Variants in TBC1D22A observed in about 807,000 individuals in gnomAD.
The protein encoded by TBC1D22A is putative GTPase activator.
TBC1D22A carries 38 observed loss-of-function variants against 60.2 expected under a neutral mutation model. The ratio of observed to expected loss-of-function variants is 0.63; its 90% CI spans 0.49 to 0.83. TBC1D22A has a LOEUF of 0.83. Among genes scored for constraint, TBC1D22A ranks in the 40% least tolerant of loss-of-function variants. The probability of loss-of-function intolerance (pLI) is 0.00; values close to 1 mark genes in which losing one functional copy is unlikely to be tolerated. For missense variants in TBC1D22A, 628 were observed against 701.0 expected (o/e 0.90, Z 1.18); for synonymous variants, 302 against 281.7 (o/e 1.07, Z -0.72).
At chr22:46,793,030 C>T (rs1177629581) in intron 2 of TBC1D22A, among the ~76,000 whole-genome samples, 1 of 152,278 alleles carries the variant, frequency 6.6e-6, no homozygotes, top group East Asian at 1.9e-4. Flanking sequence ...ACCTGTCTGA[C>T]AAGTTTCTCA....
At chr22:47,170,062 C>T (rs559234275) in intron 12 of TBC1D22A, among the ~76,000 whole-genome samples, 5 of 152,284 alleles carry the variant, frequency 3.3e-5, no homozygotes, top group East Asian at 1.9e-4. Flanking sequence ...CAGGAGACGA[C>T]GTGGCCTAGT....
At chr22:47,115,345 C>T (rs1163340376) in intron 12 of TBC1D22A, among the ~76,000 whole-genome samples, 1 of 151,722 alleles carries the variant, frequency 6.6e-6, no homozygotes, top group African/African-American at 2.4e-5. Context: ...TTCCTAATGC[C>T]CCCCACCACC....
At chr22:46,980,068 G>A (rs760690595) in intron 9 of TBC1D22A, among the ~76,000 whole-genome samples, 2 of 152,102 alleles carry the variant, frequency 1.3e-5, no homozygotes, top group Admixed American at 6.5e-5. Context: ...TGTACCCAGA[G>A]ACCTGAGACA....
At chr22:46,789,518 C>T (rs801605) in intron 1 of TBC1D22A, 33,293 of 225,704 alleles carry the variant, frequency 0.15, 3,859 homozygotes, top group African/African-American at 0.36. Context: ...GTTGTGCTTA[C>T]CTTTGCCTCC....
rs1229000857 is a variant in TBC1D22A at position 47,172,010 on chromosome 22, T to TGCCTACCCAGCACTCCCAGTGA, written c.1426-1419_1426-1398dup. Among the ~76,000 whole-genome samples, 370 of 99,256 alleles carry TGCCTACCCAGCACTCCCAGTGA rather than the reference T, an allele frequency of 3.7e-3. 5 individuals are homozygous for TGCCTACCCAGCACTCCCAGTGA. Among genetic ancestry groups the TGCCTACCCAGCACTCCCAGTGA allele is most frequent in the African/African-American group, 0.014 (312 of 21,778 alleles). 65.1% of individuals were successfully genotyped at this position (99,256 alleles called of 152,430 possible). On this transcript the variant is annotated intron_variant, in intron 12 of 12. Transcript: ENST00000337137. Reference sequence around the variant, plus strand: ...CCCAGTGCGCCCGGTGAGCCCAGTGTGCCTACCCAGCACTCCCAGTGAGCC... The same window carrying TGCCTACCCAGCACTCCCAGTGA: ...CCCAGTGCGCCCGGTGAGCCCAGTGTGCCTACCCAGCACTCCCAGTGAGCCTACCCAGCACTCCCAGTGAGCC...
intron 11 of TBC1D22A, among the ~76,000 whole-genome samples, chr22:47,082,506 C>T (rs2064511316): frequency 6.6e-6 from 1 of 152,138 alleles, no homozygotes; most frequent in Admixed American, 6.5e-5. Context: ...TACCCATATC[C>T]AGGATATATA....
intron 11 of TBC1D22A, among the ~76,000 whole-genome samples, chr22:47,103,296 T>A (rs1394332709): frequency 6.6e-6 from 1 of 152,104 alleles, no homozygotes; most frequent in Non-Finnish European, 1.5e-5. Context: ...GTGTGGCATG[T>A]GCCGCGGAGA....
intron 1 of TBC1D22A, chr22:46,763,118 A>C: frequency 2.4e-6 from 1 of 420,022 alleles, no homozygotes; most frequent in Non-Finnish European, 4.2e-6. Context: ...TTTCCGAGAA[A>C]CTCCTGGGCT....
intron 7 of TBC1D22A, among the ~76,000 whole-genome samples, chr22:46,903,013 GGGT>G (rs2069118884): frequency 6.6e-6 from 1 of 152,256 alleles, no homozygotes; most frequent in South Asian, 2.1e-4. Context: ...CCACTCTGGA[GGGT>G]CATGCCCAAT....
intron 10 of TBC1D22A, among the ~76,000 whole-genome samples, chr22:47,035,422 T>C (rs897700605): frequency 1.3e-5 from 2 of 152,188 alleles, no homozygotes; most frequent in Non-Finnish European, 2.9e-5. Flanking sequence ...GGCTGGCCCC[T>C]GGGGCTCAGA....
intron 8 of TBC1D22A, chr22:46,913,880 C>T (rs2070146552): frequency 1.9e-6 from 1 of 534,676 alleles, no homozygotes; most frequent in Non-Finnish European, 2.4e-6. Context: ...GGCATGACCA[C>T]GATCTTAATT....
intron 1 of TBC1D22A, among the ~76,000 whole-genome samples, chr22:46,764,843 A>C (rs1047388520): frequency 7.9e-5 from 12 of 152,208 alleles, no homozygotes; most frequent in Non-Finnish European, 1.5e-4. Flanking sequence ...AAGGATGCTC[A>C]CCTAGAGACT....
At chr22:47,145,408 G>A (rs1261426648) in intron 12 of TBC1D22A, among the ~76,000 whole-genome samples, 1 of 152,202 alleles carries the variant, frequency 6.6e-6, no homozygotes, top group Non-Finnish European at 1.5e-5. Context: ...GTCCTTCTTA[G>A]CCAGCACCTT....
At chr22:46,782,024 C>A (rs2083961670) in intron 1 of TBC1D22A, among the ~76,000 whole-genome samples, 1 of 152,214 alleles carries the variant, frequency 6.6e-6, no homozygotes, top group Non-Finnish European at 1.5e-5. Context: ...ACAAACTTGT[C>A]ATTCATGGTG....
chr22:46,951,297 T>G (rs1332124466), intron 8 of TBC1D22A, among the ~76,000 whole-genome samples: 1 of 152,222 alleles, frequency 6.6e-6, no homozygotes, highest in Admixed American at 6.5e-5. Flanking sequence ...ACAATAATAA[T>G]ACACTGGTTT....
At chr22:47,061,385 G>A (rs1318264773) in intron 11 of TBC1D22A, among the ~76,000 whole-genome samples, 1 of 152,014 alleles carries the variant, frequency 6.6e-6, no homozygotes, top group Non-Finnish European at 1.5e-5. Flanking sequence ...CCTCTGCCTT[G>A]GTCGTGGTCC....
At chr22:46,903,589 C>T (rs905005101) in intron 7 of TBC1D22A, among the ~76,000 whole-genome samples, 5 of 152,158 alleles carry the variant, frequency 3.3e-5, no homozygotes, top group South Asian at 2.1e-4. Context: ...TGCGAGGAAT[C>T]GGGCCCTGTC....
intron 11 of TBC1D22A, among the ~76,000 whole-genome samples, chr22:47,054,691 G>A (rs115584739): frequency 0.013 from 2,028 of 152,260 alleles, 43 homozygotes; most frequent in African/African-American, 0.045. Flanking sequence ...GCTGCTGATT[G>A]AAGTCAAGTA....
chr22:46,984,405 A>AAAAAAAAAAAAAAAAAAG (rs1569304186), intron 9 of TBC1D22A, among the ~76,000 whole-genome samples: 3 of 135,242 alleles, frequency 2.2e-5, no homozygotes, highest in Non-Finnish European at 4.7e-5. Flanking sequence ...AAAAAAAAAA[A>AAAAAAAAAAAAAAAAAAG]AGAGAAGTTC....
Sources: allele counts gnomAD v4.1 joint callset (sites outside exome capture counted in the v4.1 genomes callset), GRCh38; gene constraint gnomAD v4.1.1; transcripts MANE v1.5; gene names NCBI Gene and HGNC (gene_info 2026-07-23, HGNC 2026-07-21).